ARFGEF1: variants seen among roughly 807,000 people sequenced by gnomAD.
ARFGEF1 encodes the protein ARF guanine nucleotide exchange factor 1.
In ARFGEF1, 42 loss-of-function variants were observed where a neutral mutation model predicts 231.0. That is an observed-to-expected ratio of 0.18 (90% CI 0.14 to 0.24). The LOEUF (loss-of-function observed/expected upper bound fraction) is 0.24, where lower values mean the gene tolerates loss of function less well. ARFGEF1 is among the 10% of genes least tolerant of loss of function. The pLI is 1.00. For synonymous variants in ARFGEF1, 710 were observed against 732.3 expected (o/e 0.97, Z 0.49); for missense variants, 1,345 against 2,192.0 (o/e 0.61, Z 7.72).
chr8:67,291,419 C>CTTTTT (rs58068449), intron 6 of ARFGEF1, among the ~76,000 whole-genome samples: 1 of 145,594 alleles, frequency 6.9e-6, no homozygotes, highest in Non-Finnish European at 1.5e-5. Flanking sequence ...AATTTCAGTA[C>CTTTTT]TTTTTTTTTT....
chr8:67,313,380 T>C lies in ARFGEF1; in HGVS notation c.125-10914A>G, dbSNP rs140173078. Among the ~76,000 whole-genome samples, 3 of 152,202 alleles carry C rather than the reference T, an allele frequency of 2.0e-5. No homozygotes were observed. The East Asian group carries it at 5.8e-4, about 29-fold the overall frequency. ...GCCTAGTTTTGTCATATTACCAGGG[T>C]TGGTTTTCTGGTTCCTTCTCATTTG... On this transcript the variant is annotated intron_variant, in intron 1 of 38. Coordinates refer to ENST00000262215, the MANE Select transcript of ARFGEF1 (RefSeq NM_006421.5).
downstream of ARFGEF1, chr8:67,197,531 G>C: frequency 1.3e-6 from 1 of 787,910 alleles, no homozygotes; most frequent in African/African-American, 1.9e-5. Flanking sequence ...TCTAATGCTA[G>C]AAGCTGGAAA....
At chr8:67,333,643 A>G (rs2128934916) in intron 1 of ARFGEF1, among the ~76,000 whole-genome samples, 1 of 152,184 alleles carries the variant, frequency 6.6e-6, no homozygotes, top group African/African-American at 2.4e-5. Flanking sequence ...ATGCTTGTGC[A>G]TGTCCATGCT....
intron 14 of ARFGEF1, among the ~76,000 whole-genome samples, chr8:67,263,353 C>T (rs1173245466): frequency 1.3e-5 from 2 of 152,186 alleles, no homozygotes; most frequent in Admixed American, 6.5e-5. Flanking sequence ...TATTCTAATG[C>T]ACCCTTCAGG....
At chr8:67,261,299 A>T (rs531925623) in intron 14 of ARFGEF1, among the ~76,000 whole-genome samples, 2 of 152,368 alleles carry the variant, frequency 1.3e-5, no homozygotes, top group African/African-American at 4.8e-5. Flanking sequence ...CCTGGCTTCA[A>T]AGCTTCAAAG....
intron 5 of ARFGEF1, chr8:67,177,549 A>C (rs911446211): frequency 1.6e-6 from 1 of 614,410 alleles, no homozygotes. Flanking sequence ...TATCTTTAAA[A>C]TACTCTGAAG....
chr8:67,323,162 G>A (rs1807673365), intron 1 of ARFGEF1, among the ~76,000 whole-genome samples: 1 of 152,134 alleles, frequency 6.6e-6, no homozygotes, highest in Non-Finnish European at 1.5e-5. Flanking sequence ...TGAGGCAGGA[G>A]AATTGCTTGA....
chr8:67,309,782 C>T (rs898642641), intron 1 of ARFGEF1, among the ~76,000 whole-genome samples: 1 of 152,172 alleles, frequency 6.6e-6, no homozygotes, highest in Non-Finnish European at 1.5e-5. Context: ...TGTGAATGGT[C>T]TTAATCAATA....
rs1225510294 is a variant in ARFGEF1 at position 67,198,233 on chromosome 8, G to A, written c.*701C>T. ...CCTCAAAATCACCACCTACCAAAAAGGGCAAAACTAAAAATCCCTATAAAA... is the reference window on the plus strand; with the variant it reads ...CCTCAAAATCACCACCTACCAAAAAAGGCAAAACTAAAAATCCCTATAAAA... On this transcript the variant is annotated 3_prime_UTR_variant, in exon 39 of 39. Transcript: ENST00000262215. 9.1e-6 allele frequency: 9 copies of A among 985,418 alleles called. No individual in the cohort carries two copies. Among genetic ancestry groups the A allele is most frequent in the South Asian group, 9.4e-5 (2 of 21,272 alleles). The allele number at this position is 985,418 out of a possible 1,614,324, so 61.0% of individuals were successfully genotyped here. A position where few individuals can be genotyped will look rare whatever the true frequency, so the allele number is the denominator to read the frequency against.
At chr8:67,326,300 T>A (rs1807829052) in intron 1 of ARFGEF1, among the ~76,000 whole-genome samples, 1 of 152,224 alleles carries the variant, frequency 6.6e-6, no homozygotes. Flanking sequence ...AAATGGCAGT[T>A]TCCATATAAT....
downstream of ARFGEF1, chr8:67,195,312 A>G (rs1459123056): frequency 4.4e-6 from 4 of 913,636 alleles, no homozygotes; most frequent in African/African-American, 1.6e-5. Flanking sequence ...TTGGACTACA[A>G]GAGACCTGCG....
rs1807200087 is a variant in ARFGEF1, at chr8:67,314,167, T to C, written c.125-11701A>G. ...TTCCAGGTGAAGCGCAAAAGGAGCT[T>C]GAAAACTTGCCTGAGGCTTTCCGCC... is the stretch of plus-strand genomic sequence containing the variant. On this transcript the variant is annotated intron_variant, in intron 1 of 38. Transcript: ENST00000262215. 2.0e-5 allele frequency among the ~76,000 whole-genome samples: 3 copies of C among 152,160 alleles called. No homozygotes were observed. In the South Asian group the frequency reaches 6.2e-4, roughly 32 times the overall value.
intron 1 of ARFGEF1, among the ~76,000 whole-genome samples, chr8:67,304,609 T>C (rs1806651358): frequency 6.6e-6 from 1 of 152,166 alleles, no homozygotes; most frequent in Admixed American, 6.5e-5. Context: ...CATCGATCAC[T>C]TGAGGTCAGG....
At chr8:67,302,140 A>G (rs1162399267) in intron 2 of ARFGEF1, among the ~76,000 whole-genome samples, 2 of 152,124 alleles carry the variant, frequency 1.3e-5, no homozygotes, top group African/African-American at 4.8e-5. Flanking sequence ...CAGAAGTTGC[A>G]GTGAGCTGTG....
chr8:67,334,296 A>C (rs1032841272), intron 1 of ARFGEF1, among the ~76,000 whole-genome samples: 1 of 151,938 alleles, frequency 6.6e-6, no homozygotes, highest in African/African-American at 2.4e-5. Flanking sequence ...AAAAAAAAAA[A>C]AAAAACAAAA....
At chr8:67,300,868 G>A (rs532641052) in intron 3 of ARFGEF1, among the ~76,000 whole-genome samples, 1 of 150,716 alleles carries the variant, frequency 6.6e-6, no homozygotes, top group Non-Finnish European at 1.5e-5. Flanking sequence ...AAAAAAAACA[G>A]CAGACACTTA....
chr8:67,211,805 C>A (rs1205908305), intron 33 of ARFGEF1, among the ~76,000 whole-genome samples, 190 bp from the exon 34 acceptor site: 1 of 152,040 alleles, frequency 6.6e-6, no homozygotes, highest in East Asian at 1.9e-4. Context: ...ACTTTCTGAC[C>A]CTCACTGGGC....
chr8:67,205,566 GAA>G (rs1266756646), intron 34 of ARFGEF1, among the ~76,000 whole-genome samples: 1 of 152,142 alleles, frequency 6.6e-6, no homozygotes, highest in African/African-American at 2.4e-5. Flanking sequence ...TGAAAACAGG[GAA>G]TAAAGGGGCT....
chr8:67,244,260 A>C (rs796455280), intron 19 of ARFGEF1, among the ~76,000 whole-genome samples: 2 of 23,552 alleles, frequency 8.5e-5, no homozygotes, highest in Non-Finnish European at 7.7e-5. Flanking sequence ...AAAAAAAAAA[A>C]AAAAAAAACA....
Sources: gnomAD v4.1 joint callset for allele counts (sites outside exome capture counted in the v4.1 genomes callset) on GRCh38, gnomAD v4.1.1 for gene constraint, MANE v1.5 for transcripts, NCBI Gene and HGNC (gene_info 2026-07-23, HGNC 2026-07-21) for gene names.